Variants in CDIN1 observed in about 807,000 individuals in gnomAD.
CDIN1 encodes the protein CDAN1 interacting nuclease 1, also known as CDAN1-interacting nuclease 1.
Under a neutral mutation model 45.3 loss-of-function variants are expected in CDIN1, and 33 were observed. The observed-to-expected ratio is 0.73, with a 90% CI of 0.55 to 0.97. The LOEUF is 0.97. Ranked by LOEUF, CDIN1 falls within the 50% of genes least tolerant of loss-of-function variation. The pLI, the probability that CDIN1 is intolerant of heterozygous loss-of-function variation, is 0.00. For missense variants in CDIN1, 303 were observed against 339.4 expected, an observed-to-expected ratio of 0.89 and a Z score of 0.84; for synonymous variants, 118 against 124.4, an observed-to-expected ratio of 0.95 and a Z score of 0.34.
chr15:36,616,136 C>G (rs1191153785), intron 1 of CDIN1, among the ~76,000 whole-genome samples: 1 of 152,194 alleles, frequency 6.6e-6, no homozygotes, highest in African/African-American at 2.4e-5. Flanking sequence ...GCTGAAGGCA[C>G]ATCATATACA....
intron 1 of CDIN1, chr15:36,617,151 A>G (rs2038934474): frequency 3.1e-6 from 3 of 970,116 alleles, no homozygotes; most frequent in Non-Finnish European, 5.1e-6. Flanking sequence ...ATGCCAAAGT[A>G]TGGCAAGAAA....
At chr15:36,734,418 G>A (rs2043944229) in intron 10 of CDIN1, 1 of 397,668 alleles carries the variant, frequency 2.5e-6, no homozygotes, top group Non-Finnish European at 4.9e-6. Flanking sequence ...TTTAAAAAAA[G>A]CTCATTTATT....
At chr15:36,754,456 A>G (rs1595559422) in intron 10 of CDIN1, among the ~76,000 whole-genome samples, 1 of 151,892 alleles carries the variant, frequency 6.6e-6, no homozygotes, top group Non-Finnish European at 1.5e-5. Flanking sequence ...TTCAGAAGTC[A>G]GGCCTAATCT....
At chr15:36,683,018 A>G (rs1331902986) in intron 5 of CDIN1, among the ~76,000 whole-genome samples, 2 of 152,186 alleles carry the variant, frequency 1.3e-5, no homozygotes, top group African/African-American at 4.8e-5. Flanking sequence ...TGAGTGATGT[A>G]TTAGAGGGAG....
At chr15:36,581,741 T>C (rs2037057560) in intron 1 of CDIN1, among the ~76,000 whole-genome samples, 1 of 152,156 alleles carries the variant, frequency 6.6e-6, no homozygotes, top group African/African-American at 2.4e-5. Context: ...TAGCTGGGTG[T>C]GGTGGCATGT....
At chr15:36,618,267 AT>A in intron 1 of CDIN1, 1 of 665,480 alleles carries the variant, frequency 1.5e-6, no homozygotes. Flanking sequence ...ACTCTGTATC[AT>A]TGGGGGATGG....
chr15:36,759,891 A>G (rs991398958), intron 10 of CDIN1, among the ~76,000 whole-genome samples: 2 of 152,118 alleles, frequency 1.3e-5, no homozygotes, highest in Non-Finnish European at 2.9e-5. Flanking sequence ...GCACTAGGGG[A>G]ATGGTGCTGA....
At chr15:36,718,562 T>C (rs2140869879) in intron 10 of CDIN1, among the ~76,000 whole-genome samples, 1 of 152,086 alleles carries the variant, frequency 6.6e-6, no homozygotes, top group East Asian at 1.9e-4. Flanking sequence ...GTGCACAAAT[T>C]TCACATTTTT....
chr15:36,645,864 G>A (rs2040305631), intron 3 of CDIN1, among the ~76,000 whole-genome samples: 1 of 151,966 alleles, frequency 6.6e-6, no homozygotes, highest in African/African-American at 2.4e-5. Flanking sequence ...AGACAACCTT[G>A]GGTATTAAAT....
chr15:36,699,557 GCATT>G (rs1775164809), intron 8 of CDIN1, among the ~76,000 whole-genome samples: 1 of 152,044 alleles, frequency 6.6e-6, no homozygotes, highest in Admixed American at 6.6e-5. Flanking sequence ...AATTTGGACT[GCATT>G]CAAAAGACAA....
intron 5 of CDIN1, among the ~76,000 whole-genome samples, chr15:36,667,300 T>C (rs1044606429): frequency 1.3e-5 from 2 of 152,230 alleles, no homozygotes; most frequent in African/African-American, 4.8e-5. Flanking sequence ...CATTTACTTA[T>C]GTCACATAGC....
At chr15:36,794,087 C>A (rs1212330114) in intron 10 of CDIN1, among the ~76,000 whole-genome samples, 1 of 114,258 alleles carries the variant, frequency 8.8e-6, no homozygotes, top group Non-Finnish European at 1.7e-5. Flanking sequence ...GAGATGGAGT[C>A]TTGCTCTGTC....
chr15:36,605,358 T>TA (rs1292561892), intron 1 of CDIN1, among the ~76,000 whole-genome samples: 1 of 152,196 alleles, frequency 6.6e-6, no homozygotes, highest in African/African-American at 2.4e-5. Context: ...GCTGTTTTTG[T>TA]AACTTGTATT....
At chr15:36,709,371 A>G in intron 9 of CDIN1, 83 bp downstream of exon 9, 1 of 951,020 alleles carries the variant, frequency 1.1e-6, no homozygotes, top group Non-Finnish European at 1.5e-6. Context: ...TATTAGCTTT[A>G]TAATATTATA....
At chr15:36,645,426 A>G in intron 3 of CDIN1, 139 bp downstream of exon 3, 3 of 736,268 alleles carry the variant, frequency 4.1e-6, no homozygotes, top group Non-Finnish European at 4.3e-6. Context: ...AACTTTTAGT[A>G]TGTTTTTGAA....
At chr15:36,620,809 G>A (rs894417790) in intron 1 of CDIN1, among the ~76,000 whole-genome samples, 1 of 151,740 alleles carries the variant, frequency 6.6e-6, no homozygotes, top group African/African-American at 2.4e-5. Flanking sequence ...AATTTTGGGG[G>A]GGGACTTATT....
intron 6 of CDIN1, 110 bp from the exon 7 acceptor site, chr15:36,692,016 T>TTTTTTTTTGGG: frequency 1.9e-6 from 1 of 521,034 alleles, no homozygotes; most frequent in Non-Finnish European, 2.4e-6. Flanking sequence ...TTTCTTTTTT[T>TTTTTTTTTGGG]GGGGGGCGGG....
chr15:36,692,593 T>C (rs1390224632), intron 7 of CDIN1, among the ~76,000 whole-genome samples: 2 of 152,116 alleles, frequency 1.3e-5, no homozygotes, highest in African/African-American at 4.8e-5. Context: ...TTAAAGGAGG[T>C]TGTGATTAAA....
intron 8 of CDIN1, chr15:36,707,913 T>TTAAG (rs1422526906): frequency 6.6e-6 from 1 of 152,168 alleles, no homozygotes; most frequent in Non-Finnish European, 1.5e-5. Context: ...ATCTCAATAG[T>TTAAG]TAACTTGAGA....
Sources: gnomAD v4.1 joint callset for allele counts (sites outside exome capture counted in the v4.1 genomes callset) on GRCh38, gnomAD v4.1.1 for gene constraint, MANE v1.5 for transcripts, NCBI Gene and HGNC (gene_info 2026-07-23, HGNC 2026-07-21) for gene names.